Variants in GRIA1 observed in about 807,000 individuals in gnomAD.
GRIA1 encodes the protein glutamate receptor 1.
Under a neutral mutation model 99.2 loss-of-function variants are expected in GRIA1, and 31 were observed. The ratio of observed to expected loss-of-function variants is 0.31; its 90% confidence interval spans 0.23 to 0.42. The LOEUF (loss-of-function observed/expected upper bound fraction) is 0.42. Ranked by LOEUF, GRIA1 falls within the 10% of genes least tolerant of loss-of-function variation. The pLI is 1.00. For synonymous variants in GRIA1, 438 were observed against 432.4 expected, an observed-to-expected ratio of 1.01 and a Z score of -0.16; for missense variants, 782 against 1,157.5, an observed-to-expected ratio of 0.68 and a Z score of 4.71.
At chr5:153,617,914 A>G (rs1766666377) in intron 2 of GRIA1, among the ~76,000 whole-genome samples, 2 of 152,180 alleles carry the variant, frequency 1.3e-5, no homozygotes, top group Admixed American at 6.5e-5. Flanking sequence ...CATGTACACC[A>G]TGCTTTGGGC....
chr5:153,666,630 G>A (rs1285861105), intron 5 of GRIA1, among the ~76,000 whole-genome samples: 2 of 152,132 alleles, frequency 1.3e-5, no homozygotes, highest in Non-Finnish European at 2.9e-5. Context: ...ATACTGTACT[G>A]AGCAGGAGCT....
intron 2 of GRIA1, among the ~76,000 whole-genome samples, chr5:153,562,649 T>C (rs1383055631): frequency 6.6e-6 from 1 of 152,208 alleles, no homozygotes; most frequent in Non-Finnish European, 1.5e-5. Flanking sequence ...TTTGTGATGC[T>C]TGATTACTTG....
chr5:153,648,934 G>T (rs1053690175), intron 3 of GRIA1, among the ~76,000 whole-genome samples: 1 of 152,124 alleles, frequency 6.6e-6, no homozygotes. Context: ...TGGGATTAAG[G>T]TTGCTAAACT....
chr5:153,777,601 G>A (rs1764341102), intron 13 of GRIA1, among the ~76,000 whole-genome samples: 1 of 152,044 alleles, frequency 6.6e-6, no homozygotes. Flanking sequence ...CTACTAAAAA[G>A]TCACTTTTGA....
chr5:153,549,855 TG>T (rs1759970768), intron 2 of GRIA1, among the ~76,000 whole-genome samples: 1 of 152,130 alleles, frequency 6.6e-6, no homozygotes, highest in East Asian at 1.9e-4. Context: ...TCCCTTTATG[TG>T]GGACTAAGAA....
intron 2 of GRIA1, among the ~76,000 whole-genome samples, chr5:153,548,687 A>G (rs1014926349): frequency 6.6e-6 from 1 of 152,216 alleles, no homozygotes; most frequent in Non-Finnish European, 1.5e-5. Flanking sequence ...CATGTTTATC[A>G]TGGGAAACTA....
intron 13 of GRIA1, among the ~76,000 whole-genome samples, chr5:153,771,143 T>G (rs1049634679): frequency 2.0e-5 from 3 of 152,208 alleles, no homozygotes; most frequent in African/African-American, 4.8e-5. Context: ...GCCCTTAGTT[T>G]CCTCATCTGT....
chr5:153,650,049 C>G (rs1754438855), intron 3 of GRIA1, among the ~76,000 whole-genome samples: 1 of 152,188 alleles, frequency 6.6e-6, no homozygotes, highest in Admixed American at 6.5e-5. Flanking sequence ...TTTGAAGAAA[C>G]TAAAGTTTGA....
At chr5:153,540,994 G>A (rs62382828) in intron 2 of GRIA1, among the ~76,000 whole-genome samples, 57,208 of 152,002 alleles carry the variant, frequency 0.38, 12,951 homozygotes, top group Non-Finnish European at 0.51. Context: ...CCCAAAACCT[G>A]CAGGACCCGG....
intron 5 of GRIA1, among the ~76,000 whole-genome samples, chr5:153,674,244 G>T (rs1036506460): frequency 6.6e-6 from 1 of 152,226 alleles, no homozygotes; most frequent in Non-Finnish European, 1.5e-5. Context: ...AAGTAACTTA[G>T]TTAATAGTGG....
At chr5:153,702,900 T>C (rs987668405) in intron 10 of GRIA1, among the ~76,000 whole-genome samples, 10 of 152,242 alleles carry the variant, frequency 6.6e-5, no homozygotes, top group Non-Finnish European at 1.2e-4. Flanking sequence ...AGAATTATTA[T>C]GCCTGCTTTT....
chr5:153,683,083 C>T (rs1757097991), intron 7 of GRIA1, among the ~76,000 whole-genome samples: 1 of 152,206 alleles, frequency 6.6e-6, no homozygotes, highest in South Asian at 2.1e-4. Context: ...TCAATCTGAC[C>T]TCAGACACCC....
chr5:153,574,643 G>T (rs1342230109), intron 2 of GRIA1, among the ~76,000 whole-genome samples: 1 of 152,120 alleles, frequency 6.6e-6, no homozygotes, highest in African/African-American at 2.4e-5. Flanking sequence ...AGAAATCCCT[G>T]AAGTGCTTTA....
At chr5:153,643,250 T>C (rs1402527003) in intron 2 of GRIA1, among the ~76,000 whole-genome samples, 4 of 152,334 alleles carry the variant, frequency 2.6e-5, no homozygotes, top group African/African-American at 9.6e-5. Flanking sequence ...GAAAGGGCAT[T>C]AAGCATTATA....
At chr5:153,692,888 C>G (rs1481166013) in intron 8 of GRIA1, among the ~76,000 whole-genome samples, 1 of 151,816 alleles carries the variant, frequency 6.6e-6, no homozygotes, top group East Asian at 1.9e-4. Flanking sequence ...AAAGATCTGC[C>G]AATAAGTAAG....
At chr5:153,662,729 G>A (rs939231601) in intron 5 of GRIA1, among the ~76,000 whole-genome samples, 1 of 152,196 alleles carries the variant, frequency 6.6e-6, no homozygotes, top group African/African-American at 2.4e-5. Context: ...CTAGGATTTG[G>A]AGTATTCACT....
intron 14 of GRIA1, among the ~76,000 whole-genome samples, chr5:153,801,950 G>A: frequency 7.3e-6 from 1 of 136,592 alleles, no homozygotes; most frequent in East Asian, 2.4e-4. Context: ...AGGAAATTGG[G>A]GCGGGGGGGG....
chr5:153,678,498 T>C (rs1581453644), intron 7 of GRIA1, among the ~76,000 whole-genome samples: 1 of 152,148 alleles, frequency 6.6e-6, no homozygotes, highest in Non-Finnish European at 1.5e-5. Flanking sequence ...CCCAAGTCAC[T>C]AGGCAGCAAC....
intron 12 of GRIA1, among the ~76,000 whole-genome samples, chr5:153,768,071 C>G (rs747152840): frequency 4.6e-5 from 7 of 152,180 alleles, no homozygotes; most frequent in Non-Finnish European, 1.0e-4. Flanking sequence ...TTGCAATTGC[C>G]CTGCTGTGTG....
Sources: allele counts gnomAD v4.1 joint callset (sites outside exome capture counted in the v4.1 genomes callset), GRCh38; gene constraint gnomAD v4.1.1; transcripts MANE v1.5; gene names NCBI Gene and HGNC (gene_info 2026-07-23, HGNC 2026-07-21).